FNDC3B: variants seen among roughly 807,000 people sequenced by gnomAD.
The protein encoded by FNDC3B is fibronectin type III domain containing 3B, also known as fibronectin type III domain-containing protein 3B.
A neutral mutation model predicts 151.5 loss-of-function variants in FNDC3B; 12 were observed. The ratio of observed to expected loss-of-function variants is 0.08; its 90% CI spans 0.05 to 0.13. The LOEUF is 0.13. Among genes scored for constraint, FNDC3B ranks in the 10% least tolerant of loss-of-function variants. The pLI is 1.00. For missense variants in FNDC3B, 1,214 were observed against 1,505.3 expected (o/e 0.81, Z 3.20); for synonymous variants, 528 against 549.0 (o/e 0.96, Z 0.54).
chr3:172,202,481 C>T (rs1439132626), intron 3 of FNDC3B, among the ~76,000 whole-genome samples: 3 of 152,098 alleles, frequency 2.0e-5, no homozygotes, highest in African/African-American at 7.2e-5. Flanking sequence ...AGTAAAGATC[C>T]CTCCCGTCCC....
intron 1 of FNDC3B, among the ~76,000 whole-genome samples, chr3:172,080,985 T>G (rs887186261): frequency 6.6e-6 from 1 of 152,344 alleles, no homozygotes; most frequent in East Asian, 1.9e-4. Flanking sequence ...CTCTTAAAAA[T>G]TGATTAACTG....
At chr3:172,143,015 CT>C (rs1303760632) in intron 3 of FNDC3B, among the ~76,000 whole-genome samples, 1 of 152,084 alleles carries the variant, frequency 6.6e-6, no homozygotes, top group Non-Finnish European at 1.5e-5. Context: ...ATTAGTGTCC[CT>C]CATGATCCAG....
At chr3:172,248,733 A>G (rs1239111039) in intron 5 of FNDC3B, among the ~76,000 whole-genome samples, 2 of 148,250 alleles carry the variant, frequency 1.3e-5, no homozygotes, top group Non-Finnish European at 3.0e-5. Context: ...TTATAATTAT[A>G]TTTTTATATA....
At chr3:172,045,634 C>T (rs1431813600) in intron 1 of FNDC3B, among the ~76,000 whole-genome samples, 2 of 152,026 alleles carry the variant, frequency 1.3e-5, no homozygotes, top group Non-Finnish European at 2.9e-5. Flanking sequence ...TTCTTGTTAA[C>T]GAGGTTAATC....
At chr3:172,120,539 G>A (rs2108553134) in intron 2 of FNDC3B, among the ~76,000 whole-genome samples, 1 of 151,574 alleles carries the variant, frequency 6.6e-6, no homozygotes, top group East Asian at 1.9e-4. Context: ...GGCTTGAAAA[G>A]TAGCTTATTG....
intron 1 of FNDC3B, among the ~76,000 whole-genome samples, chr3:172,044,057 A>T (rs927498322): frequency 2.0e-5 from 3 of 152,198 alleles, no homozygotes; most frequent in African/African-American, 7.2e-5. Flanking sequence ...TTATTCTTTT[A>T]CTCTCAGTGT....
intron 16 of FNDC3B, among the ~76,000 whole-genome samples, chr3:172,338,922 A>G (rs13063931): frequency 0.54 from 81,539 of 151,612 alleles, 22,316 homozygotes; most frequent in Non-Finnish European, 0.59. Flanking sequence ...AATTTTTAGT[A>G]GAGACGGGGT....
At chr3:172,243,596 C>T (rs1358048477) in intron 4 of FNDC3B, among the ~76,000 whole-genome samples, 1 of 152,174 alleles carries the variant, frequency 6.6e-6, no homozygotes, top group African/African-American at 2.4e-5. Context: ...ATTCAATTAC[C>T]TCCCACCCAC....
intron 11 of FNDC3B, among the ~76,000 whole-genome samples, chr3:172,311,243 G>A (rs975680274): frequency 2.0e-5 from 3 of 152,166 alleles, no homozygotes; most frequent in Non-Finnish European, 2.9e-5. Context: ...ACACACTGCC[G>A]CTTGGAAAGC....
At chr3:172,144,644 T>C (rs1384934179) in intron 3 of FNDC3B, among the ~76,000 whole-genome samples, 1 of 152,196 alleles carries the variant, frequency 6.6e-6, no homozygotes, top group African/African-American at 2.4e-5. Context: ...CTAAACATTT[T>C]GTATTCTCTG....
At chr3:172,310,486 G>C (rs535369961) in intron 10 of FNDC3B, among the ~76,000 whole-genome samples, 1 of 152,210 alleles carries the variant, frequency 6.6e-6, no homozygotes, top group Non-Finnish European at 1.5e-5. Context: ...CAGCTGCCTT[G>C]TTCTCACTCT....
intron 1 of FNDC3B, among the ~76,000 whole-genome samples, chr3:172,084,483 A>ACACACACACACACACC: frequency 6.6e-6 from 1 of 151,672 alleles, no homozygotes; most frequent in Non-Finnish European, 1.5e-5. Flanking sequence ...ACACACACAC[A>ACACACACACACACACC]CATACACACA....
intron 1 of FNDC3B, among the ~76,000 whole-genome samples, chr3:172,092,903 T>G (rs1178309457): frequency 1.3e-5 from 2 of 152,164 alleles, no homozygotes; most frequent in African/African-American, 4.8e-5. Context: ...CCTCCTGGGC[T>G]CAAGTGATTC....
Position 172,343,683 on chromosome 3 carries a change from C to T in FNDC3B, c.2078-403C>T, listed in dbSNP as rs139504411. ...TCTCTAGCAGACTATTTTTTCCTAC[C>T]ACTTATGTCTAAAGTATAATAAATT... is the stretch of plus-strand genomic sequence containing the variant. On this transcript the variant is annotated intron_variant, in intron 18 of 25. Coordinates refer to ENST00000415807, the MANE Select transcript of FNDC3B (RefSeq NM_022763.4). Among the ~76,000 whole-genome samples the T allele has an allele frequency of 2.0e-5, 3 of 152,238 alleles. No individual in the cohort carries two copies. In the East Asian group the frequency reaches 5.8e-4, roughly 29 times the overall value.
chr3:172,104,437 G>A (rs1303077062), intron 1 of FNDC3B, among the ~76,000 whole-genome samples: 3 of 150,062 alleles, frequency 2.0e-5, no homozygotes, highest in African/African-American at 4.9e-5. Context: ...TTTTAGCATA[G>A]GGGATGTGAA....
chr3:172,310,054 T>G (rs1731389594), intron 10 of FNDC3B, among the ~76,000 whole-genome samples: 1 of 152,166 alleles, frequency 6.6e-6, no homozygotes, highest in African/African-American at 2.4e-5. Flanking sequence ...TCCTGGTTGC[T>G]TCCCCCAACT....
chr3:172,371,280 T>C (rs1479925721), intron 23 of FNDC3B, among the ~76,000 whole-genome samples: 1 of 152,230 alleles, frequency 6.6e-6, no homozygotes, highest in Admixed American at 6.5e-5. Context: ...TGTTATGCTT[T>C]AGGGAATAAT....
At chr3:172,388,575 G>T (rs979049774) in intron 25 of FNDC3B, among the ~76,000 whole-genome samples, 1 of 152,220 alleles carries the variant, frequency 6.6e-6, no homozygotes, top group Non-Finnish European at 1.5e-5. Flanking sequence ...ACAAAGCGTG[G>T]CCTGCTGCCC....
intron 4 of FNDC3B, among the ~76,000 whole-genome samples, chr3:172,240,824 G>A (rs1727455444): frequency 6.6e-6 from 1 of 152,136 alleles, no homozygotes; most frequent in African/African-American, 2.4e-5. Flanking sequence ...CCATCTTGCT[G>A]TTATCCCCAG....
Sources: gnomAD v4.1 joint callset for allele counts (sites outside exome capture counted in the v4.1 genomes callset) on GRCh38, gnomAD v4.1.1 for gene constraint, MANE v1.5 for transcripts, NCBI Gene and HGNC (gene_info 2026-07-23, HGNC 2026-07-21) for gene names.